The following CSMD3 variants were observed in gnomAD, a reference collection of about 807,000 sequenced individuals.
CSMD3 encodes CUB and sushi domain-containing protein 3.
Under a neutral mutation model 435.2 loss-of-function variants are expected in CSMD3, and 177 were observed. That is an observed-to-expected ratio of 0.41 (90% CI 0.36 to 0.46). CSMD3 has a LOEUF of 0.46. CSMD3 is among the 20% of genes least tolerant of loss of function. CSMD3 has a pLI of 0.34. For synonymous variants in CSMD3, 1,656 were observed against 1,520.5 expected (o/e 1.09, Z -2.07); for missense variants, 4,265 against 4,504.6 (o/e 0.95, Z 1.52).
At chr8:112,592,390 T>C (rs1261195639) in intron 22 of CSMD3, among the ~76,000 whole-genome samples, 1 of 152,006 alleles carries the variant, frequency 6.6e-6, no homozygotes, top group African/African-American at 2.4e-5. Flanking sequence ...CTAAATACAA[T>C]ACATGTATGT....
intron 4 of CSMD3, among the ~76,000 whole-genome samples, chr8:113,160,488 T>C (rs940886814): frequency 4.6e-5 from 7 of 152,018 alleles, no homozygotes; most frequent in African/African-American, 1.7e-4. Flanking sequence ...TTTAATTTTA[T>C]ATTTAACTAT....
chr8:113,400,112 T>C (rs1171603874), intron 1 of CSMD3, among the ~76,000 whole-genome samples: 1 of 151,948 alleles, frequency 6.6e-6, no homozygotes, highest in Non-Finnish European at 1.5e-5. Context: ...ATATTAACTT[T>C]CCAGATTTAA....
intron 1 of CSMD3, among the ~76,000 whole-genome samples, chr8:113,371,955 G>C (rs184219168): frequency 1.3e-5 from 2 of 152,054 alleles, no homozygotes; most frequent in South Asian, 4.1e-4. Flanking sequence ...ATAGCAAGTA[G>C]AATTTAAAAA....
At chr8:113,396,043 G>A (rs1473393293) in intron 1 of CSMD3, among the ~76,000 whole-genome samples, 1 of 151,980 alleles carries the variant, frequency 6.6e-6, no homozygotes, top group East Asian at 1.9e-4. Flanking sequence ...GACAATCGAT[G>A]TCCATTTCAC....
intron 6 of CSMD3, among the ~76,000 whole-genome samples, chr8:113,008,382 C>T (rs533603939): frequency 2.2e-4 from 34 of 151,878 alleles, no homozygotes; most frequent in African/African-American, 8.2e-4. Flanking sequence ...GAACTAATTT[C>T]TTATTTTCTT....
intron 1 of CSMD3, among the ~76,000 whole-genome samples, chr8:113,391,536 C>T (rs750585302): frequency 6.6e-6 from 1 of 151,912 alleles, no homozygotes; most frequent in Non-Finnish European, 1.5e-5. Flanking sequence ...AAAGTTATAC[C>T]TAGTTTTGGG....
At chr8:112,595,587 A>G (rs1343505845) in intron 22 of CSMD3, among the ~76,000 whole-genome samples, 10 of 69,678 alleles carry the variant, frequency 1.4e-4, no homozygotes, top group Non-Finnish European at 2.7e-4. Flanking sequence ...GTTGAAATGA[A>G]GGAAAAAATG....
chr8:112,468,232 G>GTGTTTTT (rs1818152244), intron 32 of CSMD3, among the ~76,000 whole-genome samples: 3 of 114,882 alleles, frequency 2.6e-5, no homozygotes, highest in Non-Finnish European at 3.6e-5. Flanking sequence ...ATTGCCTAAA[G>GTGTTTTT]TATTTTTTTT....
intron 54 of CSMD3, among the ~76,000 whole-genome samples, chr8:112,295,507 C>T (rs922130204): frequency 6.6e-6 from 1 of 151,920 alleles, no homozygotes; most frequent in Non-Finnish European, 1.5e-5. Context: ...ACACAGTGGT[C>T]TCTAGAAATT....
At chr8:112,400,938 G>C (rs1056511959) in intron 35 of CSMD3, among the ~76,000 whole-genome samples, 4 of 152,156 alleles carry the variant, frequency 2.6e-5, no homozygotes, top group Non-Finnish European at 5.9e-5. Context: ...CAGGCCCGGT[G>C]GCTCACACCT....
intron 13 of CSMD3, among the ~76,000 whole-genome samples, chr8:112,761,790 A>G (rs550812658): frequency 3.3e-5 from 5 of 152,130 alleles, no homozygotes; most frequent in East Asian, 3.9e-4. Context: ...TTCCATATAC[A>G]TATGTATCCA....
intron 5 of CSMD3, among the ~76,000 whole-genome samples, chr8:113,091,260 G>A (rs1279234612): frequency 1.3e-5 from 2 of 152,056 alleles, no homozygotes; most frequent in Non-Finnish European, 2.9e-5. Context: ...TATTAAAGTA[G>A]AGCAAAGGTA....
chr8:112,432,674 T>A (rs1472467576), intron 32 of CSMD3, among the ~76,000 whole-genome samples: 3 of 151,960 alleles, frequency 2.0e-5, no homozygotes, highest in Non-Finnish European at 2.9e-5. Context: ...TAGTAAGGTA[T>A]AGGATAGGAC....
chr8:113,363,206 A>G (rs990897582), intron 1 of CSMD3, among the ~76,000 whole-genome samples: 103 of 152,340 alleles, frequency 6.8e-4, no homozygotes, highest in African/African-American at 2.2e-3. Flanking sequence ...CCTGAAGTTC[A>G]TAAGAAAATT....
intron 11 of CSMD3, among the ~76,000 whole-genome samples, chr8:112,842,058 GC>G (rs2080192440): frequency 6.6e-6 from 1 of 151,716 alleles, no homozygotes; most frequent in African/African-American, 2.4e-5. Context: ...ACTAAGAAGG[GC>G]AAGTGCTGTG....
At chr8:112,668,281 T>C (rs1023481897) in intron 16 of CSMD3, among the ~76,000 whole-genome samples, 2 of 152,092 alleles carry the variant, frequency 1.3e-5, no homozygotes, top group Non-Finnish European at 2.9e-5. Flanking sequence ...TAATAGTCAC[T>C]TAAATTACCA....
chr8:112,717,525 C>A (rs1050364555), intron 13 of CSMD3, among the ~76,000 whole-genome samples: 1 of 152,076 alleles, frequency 6.6e-6, no homozygotes, highest in Non-Finnish European at 1.5e-5. Context: ...GGATCTAGAA[C>A]CAGAAATACC....
intron 1 of CSMD3, among the ~76,000 whole-genome samples, chr8:113,336,760 C>A (rs1215776946): frequency 2.0e-5 from 3 of 152,004 alleles, no homozygotes; most frequent in Admixed American, 1.3e-4. Flanking sequence ...AGAAGAAGCA[C>A]CTTGTTACTA....
intron 1 of CSMD3, among the ~76,000 whole-genome samples, chr8:113,415,506 T>A (rs576319992): frequency 1.2e-4 from 19 of 152,160 alleles, no homozygotes; most frequent in African/African-American, 3.9e-4. Flanking sequence ...ATGAACAGAG[T>A]GTTTAATTTT....
Sources: allele counts gnomAD v4.1 joint callset (sites outside exome capture counted in the v4.1 genomes callset), GRCh38; gene constraint gnomAD v4.1.1; transcripts MANE v1.5; gene names NCBI Gene and HGNC (gene_info 2026-07-23, HGNC 2026-07-21).